The following CDC42 variants were observed in gnomAD, a reference collection of about 807,000 sequenced individuals.
The protein encoded by CDC42 is cell division control protein 42 homolog.
CDC42 carries 1 observed loss-of-function variant against 20.8 expected under a neutral mutation model. That is an observed-to-expected ratio of 0.05 (90% CI 0.02 to 0.23). CDC42 has a LOEUF of 0.23. Among genes scored for constraint, CDC42 ranks in the 10% least tolerant of loss-of-function variants. The probability of loss-of-function intolerance (pLI) is 1.00; values close to 1 mark genes in which losing one functional copy is unlikely to be tolerated. For synonymous variants in CDC42, 72 were observed against 84.8 expected, an observed-to-expected ratio of 0.85 and a Z score of 0.83; for missense variants, 49 against 227.9, an observed-to-expected ratio of 0.21 and a Z score of 5.05.
rs779470928 is a variant in CDC42, at chr1:22,081,810, CT to C, written c.178+20del. On this transcript the variant is annotated intron_variant, in intron 3 of 5. Coordinates refer to ENST00000656825, the MANE Select transcript of CDC42 (RefSeq NM_001791.4). Reference sequence around the variant, plus strand: ...GATACTGCAGGTGAAAACTTAATGTCTTTTATACTGTTTTGATCTTTAACAG... The same window carrying C: ...GATACTGCAGGTGAAAACTTAATGTCTTTATACTGTTTTGATCTTTAACAG... The C allele has an allele frequency of 2.0e-6, 3 of 1,514,698 alleles. No homozygotes were observed. Among genetic ancestry groups the C allele is most frequent in the East Asian group, 2.3e-5 (1 of 44,382 alleles). 93.8% of individuals were successfully genotyped at this position (1,514,698 alleles called of 1,614,324 possible).
At chr1:22,055,650 G>A (rs1224636409) in intron 1 of CDC42, among the ~76,000 whole-genome samples, 1 of 151,822 alleles carries the variant, frequency 6.6e-6, no homozygotes, top group Non-Finnish European at 1.5e-5. Flanking sequence ...AACCAGACCC[G>A]GCTAATTTTG....
intron 1 of CDC42, among the ~76,000 whole-genome samples, chr1:22,057,277 C>G (rs938998744): frequency 1.3e-5 from 2 of 152,336 alleles, no homozygotes; most frequent in East Asian, 1.9e-4. Context: ...GCTCTTGGCA[C>G]AACTGTGAGG....
intron 1 of CDC42, among the ~76,000 whole-genome samples, chr1:22,067,791 A>G (rs1457974239): frequency 6.6e-6 from 1 of 152,166 alleles, no homozygotes; most frequent in African/African-American, 2.4e-5. Context: ...CTCACCTTCT[A>G]ACAACGTCAC....
At chr1:22,054,910 TATATATATATA>T (rs1447388473) in intron 1 of CDC42, among the ~76,000 whole-genome samples, 613 of 17,494 alleles carry the variant, frequency 0.035, 9 homozygotes, top group East Asian at 0.26. Context: ...TATATATATA[TATATATATATA>T]TTTTTTTTTT....
intron 3 of CDC42, among the ~76,000 whole-genome samples, chr1:22,083,656 C>T (rs369619446): frequency 1.3e-5 from 2 of 152,050 alleles, no homozygotes; most frequent in African/African-American, 2.4e-5. Context: ...TTTGCTGACC[C>T]TCCACCATAA....
At chr1:22,081,302 A>G (rs1039219414) in intron 2 of CDC42, among the ~76,000 whole-genome samples, 2 of 152,230 alleles carry the variant, frequency 1.3e-5, no homozygotes, top group Non-Finnish European at 2.9e-5. Flanking sequence ...GAAAGGAAGA[A>G]AGGTCATGGA....
At position 22,081,828 on chromosome 1, in the gene CDC42, C is replaced by G. The variant is rs372440772; in HGVS notation, c.178+34C>G. Reference sequence around the variant, plus strand: ...TTAATGTCTTTTATACTGTTTTGATCTTTAACAGTTGCTAGTTGTCTGTCT... The same window carrying G: ...TTAATGTCTTTTATACTGTTTTGATGTTTAACAGTTGCTAGTTGTCTGTCT... On this transcript the variant is annotated intron_variant, in intron 3 of 5. Transcript: ENST00000656825. 3.8e-6 allele frequency: 5 copies of G among 1,315,204 alleles called. No homozygotes were observed. The East Asian group carries it at 9.2e-5, about 24-fold the overall frequency. The allele number at this position is 1,315,204 out of a possible 1,614,324, so 81.5% of individuals were successfully genotyped here.
intron 1 of CDC42, among the ~76,000 whole-genome samples, chr1:22,065,381 T>C (rs1213706864): frequency 6.6e-6 from 1 of 152,232 alleles, no homozygotes. Flanking sequence ...GAGATTGGAA[T>C]GAAGGGATTT....
At chr1:22,060,605 A>T (rs1645352257) in intron 1 of CDC42, among the ~76,000 whole-genome samples, 1 of 152,172 alleles carries the variant, frequency 6.6e-6, no homozygotes, top group Non-Finnish European at 1.5e-5. Flanking sequence ...GTTTGTTTTT[A>T]ATCTATATAA....
rs1367838867 is a variant in CDC42 at position 22,096,272 on chromosome 1, T to G, written c.*4755T>G. Among the ~76,000 whole-genome samples, 3 of 142,962 alleles carry G rather than the reference T, an allele frequency of 2.1e-5. No homozygotes were observed. Among genetic ancestry groups the G allele is most frequent in the African/African-American group, 8.0e-5 (3 of 37,734 alleles). The allele number at this position is 142,962 out of a possible 152,430, so 93.8% of individuals were successfully genotyped here. ...CTGCGCCCGGCCTATTCATTCATTC[T>G]TACAGTGAATTAGTAAATTCAACAA... On this transcript the variant is annotated 3_prime_UTR_variant, in exon 6 of 6. Coordinates refer to ENST00000656825, the MANE Select transcript of CDC42 (RefSeq NM_001791.4).
intron 5 of CDC42, chr1:22,090,755 AT>A (rs1298924270): frequency 1.0e-6 from 1 of 984,834 alleles, no homozygotes; most frequent in African/African-American, 1.7e-5. Flanking sequence ...GAAATATACA[AT>A]TGTGGTTACC....
chr1:22,086,632 G>A, intron 4 of CDC42, 37 bp from the exon 5 acceptor site: 5 of 1,603,556 alleles, frequency 3.1e-6, no homozygotes, highest in Non-Finnish European at 4.3e-6. Flanking sequence ...GAGGCTTGTT[G>A]ATTAACAAAG....
intron 1 of CDC42, among the ~76,000 whole-genome samples, chr1:22,053,137 G>C (rs933278927): frequency 4.6e-5 from 7 of 151,462 alleles, no homozygotes; most frequent in African/African-American, 1.7e-4. Context: ...GCCTCAGAGC[G>C]ACTCGCGGGC....
At position 22,096,754 on chromosome 1, in the gene CDC42, C is replaced by A. The variant is rs1645761221; in HGVS notation, c.*5237C>A. Among the ~76,000 whole-genome samples, 1 of 152,210 alleles carries A rather than the reference C, an allele frequency of 6.6e-6. No homozygotes were observed. Reference sequence around the variant, plus strand: ...GAGCCTTTGTGCAAATTAGAAAAGGCCCTTCCAAAGATACTTTATGAACGA... The same window carrying A: ...GAGCCTTTGTGCAAATTAGAAAAGGACCTTCCAAAGATACTTTATGAACGA... On this transcript the variant is annotated 3_prime_UTR_variant, in exon 6 of 6. Coordinates refer to ENST00000656825, the MANE Select transcript of CDC42 (RefSeq NM_001791.4).
rs374593194 is a variant in CDC42, at chr1:22,087,770, AATTC to A, written c.486+912_486+915del. 4.3e-4 allele frequency among the ~76,000 whole-genome samples: 65 copies of A among 152,302 alleles called. 1 individual carries two copies. In the East Asian group the frequency reaches 9.8e-3, roughly 23 times the overall value. ...TATATTTATGCTTATGTTTTCAGGTAATTCATTCATTTTTATTGTGTTTCTAAAA... is the reference window on the plus strand; with the variant it reads ...TATATTTATGCTTATGTTTTCAGGTAATTCATTTTTATTGTGTTTCTAAAA... On this transcript the variant is annotated intron_variant, in intron 5 of 5. Coordinates refer to ENST00000656825, the MANE Select transcript of CDC42 (RefSeq NM_001791.4).
chr1:22,097,312 A>G lies in CDC42; in HGVS notation c.*5795A>G, dbSNP rs1195347925. On this transcript the variant is annotated 3_prime_UTR_variant, in exon 6 of 6. Coordinates refer to ENST00000656825, the MANE Select transcript of CDC42 (RefSeq NM_001791.4). ...TACTCTGTCGCCCAGGCTGGAGTGC[A>G]GTGGCGTGATCTCGGCTTGCTGCAA... 6.6e-6 allele frequency among the ~76,000 whole-genome samples: 1 copy of G among 152,154 alleles called. No individual in the cohort carries two copies. The highest frequency in any genetic ancestry group is 2.4e-5 in the African/African-American group (1 of 41,432).
rs533373295 is a variant in CDC42, at chr1:22,071,234, C to T, written c.-50-7195C>T. ...AATTTTTTTGTATTTTTAGTAGCGT[C>T]GGGGTTTCACCATGTTAGCCAGGAT... On this transcript the variant is annotated intron_variant, in intron 1 of 5. Transcript: ENST00000656825. Among the ~76,000 whole-genome samples the T allele has an allele frequency of 1.6e-4, 24 of 151,866 alleles. No homozygotes were observed. In the South Asian group the frequency reaches 3.7e-3, roughly 24 times the overall value.
At chr1:22,082,875 A>ATTTTTTTTTTT (rs3036839) in intron 3 of CDC42, among the ~76,000 whole-genome samples, 1 of 140,212 alleles carries the variant, frequency 7.1e-6, no homozygotes, top group Non-Finnish European at 1.5e-5. Flanking sequence ...CACAGAGAAA[A>ATTTTTTTTTTT]TTTTTATTTT....
chr1:22,085,220 A>T (rs1645648997), intron 3 of CDC42, among the ~76,000 whole-genome samples: 1 of 54,954 alleles, frequency 1.8e-5, no homozygotes. Flanking sequence ...TGATAGAGTG[A>T]GACTCTGTCT....
Sources: gnomAD v4.1 joint callset for allele counts (sites outside exome capture counted in the v4.1 genomes callset) on GRCh38, gnomAD v4.1.1 for gene constraint, MANE v1.5 for transcripts, NCBI Gene and HGNC (gene_info 2026-07-23, HGNC 2026-07-21) for gene names.